Variants in UBE2G1 observed in about 807,000 individuals in gnomAD.
UBE2G1 encodes the protein ubiquitin conjugating enzyme E2 G1.
A neutral mutation model predicts 22.7 loss-of-function variants in UBE2G1; 5 were observed. That is an observed-to-expected ratio of 0.22 (90% confidence interval 0.12 to 0.46). UBE2G1 has a LOEUF of 0.46. UBE2G1 is among the 20% of genes least tolerant of loss of function. The probability of loss-of-function intolerance (pLI) is 0.99; values close to 1 mark genes in which losing one functional copy is unlikely to be tolerated. For missense variants in UBE2G1, 88 were observed against 203.9 expected (o/e 0.43, Z 3.46); for synonymous variants, 74 against 67.5 (o/e 1.10, Z -0.47).
At chr17:4,288,647 T>C (rs747552523) in intron 4 of UBE2G1, among the ~76,000 whole-genome samples, 3 of 152,144 alleles carry the variant, frequency 2.0e-5, no homozygotes, top group Admixed American at 6.6e-5. Context: ...AAAAATCTGA[T>C]TGCATTGAAA....
chr17:4,366,107 C>T lies in UBE2G1; in HGVS notation c.46+164G>A, dbSNP rs569371032. On this transcript the variant is annotated intron_variant, in intron 1 of 5. Transcript: ENST00000396981. ...CCCCCAGTGCCCTCCAAGAGCCGGG[C>T]GAGAACGGCTGGGCCCGGCCGGGAC... Among the ~76,000 whole-genome samples the T allele has an allele frequency of 1.7e-3, 258 of 152,246 alleles. 1 individual carries two copies. The highest frequency in any genetic ancestry group is 6.0e-3 in the African/African-American group (250 of 41,560).
chr17:4,303,741 T>A (rs756325687), intron 2 of UBE2G1, among the ~76,000 whole-genome samples: 2 of 152,228 alleles, frequency 1.3e-5, no homozygotes, highest in Non-Finnish European at 2.9e-5. Flanking sequence ...AATAGAATTT[T>A]GCAACTGTAA....
chr17:4,309,548 T>G (rs1969284309), intron 1 of UBE2G1, among the ~76,000 whole-genome samples: 2 of 152,274 alleles, frequency 1.3e-5, no homozygotes, highest in Non-Finnish European at 2.9e-5. Flanking sequence ...CCAACTATGT[T>G]GCAGACATTC....
intron 1 of UBE2G1, among the ~76,000 whole-genome samples, chr17:4,364,615 CTGT>C (rs1373609262): frequency 4.1e-5 from 6 of 145,926 alleles, no homozygotes; most frequent in Non-Finnish European, 4.5e-5. Context: ...GAGTCTCGCT[CTGT>C]TGCCCAGGCT....
In UBE2G1 at chr17:4,269,967, C is replaced by T. The variant is rs892673726; in HGVS notation, c.*2587G>A. ...TCAAATGTAGAGGCATTTAAATTTA[C>T]ATTATCAGATGAACACTGAGAAAGG... On this transcript the variant is annotated 3_prime_UTR_variant, in exon 6 of 6. Transcript: ENST00000396981. The T allele has an allele frequency of 6.6e-6, 1 of 152,572 alleles. No homozygotes were observed. The highest frequency in any genetic ancestry group is 1.5e-5 in the Non-Finnish European group (1 of 68,034). 9.5% of individuals were successfully genotyped at this position (152,572 alleles called of 1,614,324 possible). A position where few individuals can be genotyped will look rare whatever the true frequency, so the allele number is the denominator to read the frequency against.
chr17:4,294,541 T>C (rs769285256), intron 3 of UBE2G1, among the ~76,000 whole-genome samples: 3 of 152,140 alleles, frequency 2.0e-5, no homozygotes, highest in African/African-American at 7.2e-5. Context: ...ACCTAGGTGA[T>C]TGCTCTCTTT....
At position 4,271,220 on chromosome 17, in the gene UBE2G1, G is replaced by A. The variant is rs772792460; in HGVS notation, c.*1334C>T. On this transcript the variant is annotated 3_prime_UTR_variant, in exon 6 of 6. Transcript: ENST00000396981. ...CTATTGTTAGTGACGGGATCTATACGTCAAATAGCAAAGCATTTACCCCTG... is the reference window on the plus strand; with the variant it reads ...CTATTGTTAGTGACGGGATCTATACATCAAATAGCAAAGCATTTACCCCTG... 6 of 152,518 alleles carry A rather than the reference G, an allele frequency of 3.9e-5. No individual in the cohort carries two copies. The highest frequency in any genetic ancestry group is 6.5e-5 in the Admixed American group (1 of 15,272). The allele number at this position is 152,518 out of a possible 1,614,324, so 9.4% of individuals were successfully genotyped here.
chr17:4,343,783 T>A (rs1969738050), intron 1 of UBE2G1, among the ~76,000 whole-genome samples: 4 of 151,750 alleles, frequency 2.6e-5, no homozygotes, highest in Admixed American at 2.6e-4. Context: ...AGACACAGGG[T>A]TTCACTTGTT....
intron 1 of UBE2G1, among the ~76,000 whole-genome samples, chr17:4,350,006 C>T (rs1181413411): frequency 6.6e-6 from 1 of 152,086 alleles, no homozygotes; most frequent in Non-Finnish European, 1.5e-5. Flanking sequence ...AGGCTGGTCT[C>T]AAAACTCCTG....
chr17:4,311,524 A>G lies in UBE2G1; in HGVS notation c.47-4401T>C, dbSNP rs576735175. On this transcript the variant is annotated intron_variant, in intron 1 of 5. Coordinates refer to ENST00000396981, the MANE Select transcript of UBE2G1 (RefSeq NM_003342.5). Reference sequence around the variant, plus strand: ...GCTCAGTAACATCAGGCTAAGTTAAAGAAGCAGACATATAAAGTCACATGT... The same window carrying G: ...GCTCAGTAACATCAGGCTAAGTTAAGGAAGCAGACATATAAAGTCACATGT... Among the ~76,000 whole-genome samples the G allele has an allele frequency of 3.9e-5, 6 of 152,394 alleles. No homozygotes were observed. In the East Asian group the frequency reaches 1.2e-3, roughly 29 times the overall value.
chr17:4,310,116 G>C (rs1228934484), intron 1 of UBE2G1, among the ~76,000 whole-genome samples: 3 of 152,212 alleles, frequency 2.0e-5, no homozygotes, highest in African/African-American at 7.2e-5. Flanking sequence ...TCCATTTAAA[G>C]TGATAGAACC....
intron 1 of UBE2G1, among the ~76,000 whole-genome samples, chr17:4,352,575 C>T (rs1169830478): frequency 2.0e-5 from 3 of 152,022 alleles, no homozygotes; most frequent in Non-Finnish European, 4.4e-5. Flanking sequence ...GGAGGAAAAG[C>T]CAAGAAGAAA....
At chr17:4,286,323 T>G (rs928419002) in intron 4 of UBE2G1, among the ~76,000 whole-genome samples, 1 of 151,372 alleles carries the variant, frequency 6.6e-6, no homozygotes, top group Non-Finnish European at 1.5e-5. Context: ...GAGAATCACT[T>G]GAACCCGGGA....
At chr17:4,284,637 T>C (rs552807129) in intron 4 of UBE2G1, among the ~76,000 whole-genome samples, 1 of 151,642 alleles carries the variant, frequency 6.6e-6, no homozygotes, top group South Asian at 2.1e-4. Context: ...GAACTGCTAG[T>C]GTGGGTATTG....
At chr17:4,337,333 A>C (rs1467664410) in intron 1 of UBE2G1, among the ~76,000 whole-genome samples, 2 of 137,162 alleles carry the variant, frequency 1.5e-5, no homozygotes, top group Non-Finnish European at 3.1e-5. Context: ...AAAAAAAAAA[A>C]GAAAAGAAAA....
At chr17:4,295,824 G>A (rs1193582349) in intron 3 of UBE2G1, among the ~76,000 whole-genome samples, 3 of 150,012 alleles carry the variant, frequency 2.0e-5, no homozygotes, top group Non-Finnish European at 4.4e-5. Flanking sequence ...ATACAGGGGA[G>A]AGAGTCCAGT....
chr17:4,296,666 A>G (rs746457051), intron 3 of UBE2G1, 51 bp downstream of exon 3: 6 of 1,536,238 alleles, frequency 3.9e-6, no homozygotes, highest in Non-Finnish European at 5.4e-6. Context: ...GAACACTTCA[A>G]TAACAGGCCA....
At chr17:4,345,484 T>C (rs1969757809) in intron 1 of UBE2G1, 1 of 152,224 alleles carries the variant, frequency 6.6e-6, no homozygotes, top group South Asian at 2.1e-4. Flanking sequence ...CTTACAAATA[T>C]TCCCTATACA....
chr17:4,271,104 C>CAT lies in UBE2G1; in HGVS notation c.*1448_*1449dup, dbSNP rs941714430. On this transcript the variant is annotated 3_prime_UTR_variant, in exon 6 of 6. Coordinates refer to ENST00000396981, the MANE Select transcript of UBE2G1 (RefSeq NM_003342.5). ...CCTAAGGCCTGCCTTTAACACTGCACATGTTCATTTTACCATTTGCTGAAG... is the reference window on the plus strand; with the variant it reads ...CCTAAGGCCTGCCTTTAACACTGCACATATGTTCATTTTACCATTTGCTGAAG... 2 of 152,222 alleles carry CAT rather than the reference C, an allele frequency of 1.3e-5. No homozygotes were observed. The highest frequency in any genetic ancestry group is 6.5e-5 in the Admixed American group (1 of 15,276). 9.4% of individuals were successfully genotyped at this position (152,222 alleles called of 1,614,324 possible). A position where few individuals can be genotyped will look rare whatever the true frequency, so the allele number is the denominator to read the frequency against.
Sources: allele counts gnomAD v4.1 joint callset (sites outside exome capture counted in the v4.1 genomes callset), GRCh38; gene constraint gnomAD v4.1.1; transcripts MANE v1.5; gene names NCBI Gene and HGNC (gene_info 2026-07-23, HGNC 2026-07-21).